Variants in HMGN3 observed in about 807,000 individuals in gnomAD.
HMGN3 encodes the protein high mobility group nucleosomal binding domain 3.
HMGN3 carries 6 observed loss-of-function variants against 18.8 expected under a neutral mutation model. That is an observed-to-expected ratio of 0.32 (90% CI 0.18 to 0.63). The LOEUF is 0.63. Among genes scored for constraint, HMGN3 ranks in the 30% least tolerant of loss-of-function variants. HMGN3 has a pLI of 0.79. For missense variants in HMGN3, 107 were observed against 114.2 expected, an observed-to-expected ratio of 0.94 and a Z score of 0.29; for synonymous variants, 40 against 36.5, an observed-to-expected ratio of 1.10 and a Z score of -0.35.
At chr6:79,204,397 C>A (rs1446109499) in intron 3 of HMGN3, among the ~76,000 whole-genome samples, 1 of 152,214 alleles carries the variant, frequency 6.6e-6, no homozygotes. Flanking sequence ...ACCTGCACAC[C>A]GTGTGACCAT....
At chr6:79,222,629 T>G (rs1433991748) in intron 1 of HMGN3, among the ~76,000 whole-genome samples, 2 of 152,306 alleles carry the variant, frequency 1.3e-5, no homozygotes, top group East Asian at 1.9e-4. Context: ...ATCCTGTAGG[T>G]GTATGTCTGG....
At chr6:79,233,983 A>G (rs1008069964) in intron 1 of HMGN3, 1 of 152,600 alleles carries the variant, frequency 6.6e-6, no homozygotes, top group Admixed American at 6.5e-5. Flanking sequence ...TTGACACTGG[A>G]GTTGGTACAT....
At chr6:79,214,695 T>C (rs1776882368) in intron 2 of HMGN3, among the ~76,000 whole-genome samples, 1 of 152,200 alleles carries the variant, frequency 6.6e-6, no homozygotes, top group African/African-American at 2.4e-5. Flanking sequence ...GAATTCTCAG[T>C]ATCTGCTTTA....
intron 1 of HMGN3, among the ~76,000 whole-genome samples, chr6:79,218,476 A>G (rs568422296): frequency 6.6e-6 from 1 of 152,358 alleles, no homozygotes; most frequent in South Asian, 2.1e-4. Flanking sequence ...AATAATATGT[A>G]GCAGTGAACA....
rs1398914875 is a variant in HMGN3 at position 79,202,405 on chromosome 6, A to G, written c.148-16T>C. The stretch of plus-strand genomic sequence containing the variant: ...CAGGTTCTTTCTAACAGAGGATCAA[A>G]GCACAGTGAAAGAGAATGTTAGACA... On this transcript the variant is annotated splice_polypyrimidine_tract_variant and intron_variant, in intron 4 of 5. Transcript: ENST00000344726. 1.8e-5 allele frequency: 29 copies of G among 1,586,402 alleles called. No homozygotes were observed. Among genetic ancestry groups the G allele is most frequent in the Non-Finnish European group, 2.4e-5 (28 of 1,155,086 alleles).
chr6:79,221,960 A>G (rs1018581867), intron 1 of HMGN3, among the ~76,000 whole-genome samples: 1 of 144,772 alleles, frequency 6.9e-6, no homozygotes, highest in Non-Finnish European at 1.6e-5. Flanking sequence ...ATTGGTACAC[A>G]TAGGCTCTTA....
chr6:79,218,444 T>A (rs1777104519), intron 1 of HMGN3, among the ~76,000 whole-genome samples: 1 of 152,212 alleles, frequency 6.6e-6, no homozygotes, highest in African/African-American at 2.4e-5. Context: ...CAGAAGGATA[T>A]ATACACTGTG....
At chr6:79,230,343 C>T (rs1777780201) in intron 1 of HMGN3, among the ~76,000 whole-genome samples, 1 of 152,130 alleles carries the variant, frequency 6.6e-6, no homozygotes, top group African/African-American at 2.4e-5. Flanking sequence ...TGTTACAAAA[C>T]TGGATTATGA....
intron 5 of HMGN3, 35 bp from the exon 6 acceptor site, chr6:79,202,190 T>A: frequency 6.2e-7 from 1 of 1,608,116 alleles, no homozygotes; most frequent in Non-Finnish European, 8.5e-7. Context: ...AAAGAGACAT[T>A]AAGAACGTGC....
intron 1 of HMGN3, among the ~76,000 whole-genome samples, chr6:79,221,172 C>T (rs1777263640): frequency 1.3e-5 from 2 of 152,172 alleles, no homozygotes; most frequent in Admixed American, 1.3e-4. Flanking sequence ...GGTTTACTCA[C>T]AGCATTTTTT....
intron 1 of HMGN3, among the ~76,000 whole-genome samples, chr6:79,231,722 C>G: frequency 6.6e-6 from 1 of 152,184 alleles, no homozygotes; most frequent in East Asian, 1.9e-4. Flanking sequence ...ATGACTCTGA[C>G]TTCTTTGTAT....
At chr6:79,225,338 C>G (rs1039287173) in intron 1 of HMGN3, among the ~76,000 whole-genome samples, 1 of 152,140 alleles carries the variant, frequency 6.6e-6, no homozygotes, top group African/African-American at 2.4e-5. Flanking sequence ...TAAAATATCA[C>G]TTGTACATTT....
At chr6:79,222,089 C>A (rs1777321055) in intron 1 of HMGN3, among the ~76,000 whole-genome samples, 1 of 152,088 alleles carries the variant, frequency 6.6e-6, no homozygotes, top group East Asian at 1.9e-4. Flanking sequence ...TGCCAGCAGC[C>A]CCAGAATAAA....
At chr6:79,234,559 A>T (rs750564940) in exon 1 of HMGN3, 2 of 1,612,306 alleles carry the variant, frequency 1.2e-6, no homozygotes, top group Non-Finnish European at 1.7e-6. Flanking sequence ...TCTCTTCGGC[A>T]TAATGACTAT....
chr6:79,232,436 A>C (rs1445460145), intron 1 of HMGN3, among the ~76,000 whole-genome samples: 1 of 152,102 alleles, frequency 6.6e-6, no homozygotes, highest in African/African-American at 2.4e-5. Context: ...TTAATCAAGG[A>C]GAGGTTTTCC....
At chr6:79,223,671 CA>C (rs1562000275) in intron 1 of HMGN3, among the ~76,000 whole-genome samples, 1 of 151,146 alleles carries the variant, frequency 6.6e-6, no homozygotes, top group Admixed American at 6.6e-5. Context: ...TGTCTTGTCT[CA>C]AAAAAAGAAA....
intron 3 of HMGN3, among the ~76,000 whole-genome samples, chr6:79,205,023 G>T (rs1358680632): frequency 1.1e-4 from 16 of 152,132 alleles, no homozygotes; most frequent in Admixed American, 1.0e-3. Context: ...CAAGTGTTTT[G>T]ATAGGACCAG....
intron 3 of HMGN3, among the ~76,000 whole-genome samples, chr6:79,207,776 A>G (rs2127816428): frequency 6.6e-6 from 1 of 152,280 alleles, no homozygotes; most frequent in East Asian, 1.9e-4. Flanking sequence ...CCAAAGTAGC[A>G]TGAAGCTTCT....
At chr6:79,208,463 T>C in intron 3 of HMGN3, 84 bp downstream of exon 3, 1 of 1,153,308 alleles carries the variant, frequency 8.7e-7, no homozygotes, top group South Asian at 1.3e-5. Flanking sequence ...GAAACCATGT[T>C]AATCTTCCTT....
Sources: gnomAD v4.1 joint callset for allele counts (sites outside exome capture counted in the v4.1 genomes callset) on GRCh38, gnomAD v4.1.1 for gene constraint, MANE v1.5 for transcripts, NCBI Gene and HGNC (gene_info 2026-07-23, HGNC 2026-07-21) for gene names.